CFH: variants seen among roughly 807,000 people sequenced by gnomAD.
CFH encodes the protein H factor 1 (complement).
In CFH, 53 loss-of-function variants were observed where a neutral mutation model predicts 147.3. The ratio of observed to expected loss-of-function variants is 0.36; its 90% CI spans 0.29 to 0.45. The LOEUF (loss-of-function observed/expected upper bound fraction) is 0.45. Among genes scored for constraint, CFH ranks in the 20% least tolerant of loss-of-function variants. CFH has a pLI of 1.00. For missense variants in CFH, 1,380 were observed against 1,498.0 expected (o/e 0.92, Z 1.30); for synonymous variants, 536 against 489.4 (o/e 1.10, Z -1.26).
chr1:196,705,845 T>A (rs1193757523), intron 9 of CFH, among the ~76,000 whole-genome samples: 1 of 152,192 alleles, frequency 6.6e-6, no homozygotes, highest in Non-Finnish European at 1.5e-5. Context: ...TCTAGAAGAC[T>A]GAATAGGTAT....
At chr1:196,745,540 T>A (rs10801561) in intron 20 of CFH, among the ~76,000 whole-genome samples, 29,545 of 152,214 alleles carry the variant, frequency 0.19, 3,504 homozygotes, top group East Asian at 0.39. Flanking sequence ...TTTCTATGTT[T>A]AGCATGTATT....
At chr1:196,701,449 A>G (rs1668447104) in intron 9 of CFH, 47 of 1,461,886 alleles carry the variant, frequency 3.2e-5, no homozygotes, top group Non-Finnish European at 7.6e-6. Context: ...GGTGACTAGT[A>G]TCTGTTTTGT....
Position 196,747,132 on chromosome 1 carries a change from A to T in CFH, c.3515A>T (p.Glu1172Val). Residue 1172 changes from glutamate to valine, a missense_variant, in exon 22 of 22, where the codon GAA (glutamate) becomes GTA (valine). Physicochemically the swap from Glu to Val is moderately radical, Grantham distance 121. Transcript: ENST00000367429. Reference sequence around the variant, plus strand: ...TCAGATCCGTGTGTAATATCCCGAGAAATTATGGAAAATTATAACATAGCA... The same window carrying T: ...TCAGATCCGTGTGTAATATCCCGAGTAATTATGGAAAATTATAACATAGCA... ...KCLHPCVISR[E>V]IMENYNIALR... is the part of the protein sequence containing the mutation. The T allele has an allele frequency of 6.2e-7, 1 of 1,613,816 alleles. No homozygotes were observed. The highest frequency in any genetic ancestry group is 8.5e-7 in the Non-Finnish European group (1 of 1,179,814).
chr1:196,713,862 A>G lies in CFH; in HGVS notation c.1464A>G (p.Thr488=), dbSNP rs780920934. The G allele has an allele frequency of 2.5e-6, 4 of 1,612,782 alleles. No homozygotes were observed. The African/African-American group carries it at 4.0e-5, about 16-fold the overall frequency. ...KLGYVTADGE[T]SGSITCGKDG... The stretch of plus-strand genomic sequence containing the variant: ...GATATGTAACAGCAGATGGTGAAAC[A>G]TCAGGATCAATTACATGTGGGAAAG... The change falls in exon 10 of 22, where the codon ACA becomes ACG. Residue 488 remains threonine, a synonymous_variant. Coordinates refer to ENST00000367429, the MANE Select transcript of CFH (RefSeq NM_000186.4).
chr1:196,675,269 G>A (rs1183358620), intron 3 of CFH, among the ~76,000 whole-genome samples: 2 of 152,132 alleles, frequency 1.3e-5, no homozygotes, highest in African/African-American at 4.8e-5. Flanking sequence ...GATTCAAAGG[G>A]CAGGCTTGAT....
intron 1 of CFH, among the ~76,000 whole-genome samples, chr1:196,667,269 A>G (rs1048059493): frequency 1.3e-5 from 2 of 152,220 alleles, no homozygotes; most frequent in African/African-American, 4.8e-5. Context: ...AATTCTCACA[A>G]TATGGTCAAT....
intron 9 of CFH, among the ~76,000 whole-genome samples, chr1:196,696,491 G>A (rs1189465831): frequency 6.6e-6 from 1 of 152,118 alleles, no homozygotes; most frequent in Non-Finnish European, 1.5e-5. Flanking sequence ...CGCACTAAAT[G>A]CCCACATCAG....
chr1:196,673,045 T>C lies in CFH; in HGVS notation c.126T>C (p.Tyr42=). ...CAGGTTCCTGGTCTGACCAAACATA[T>C]CCAGAAGGCACCCAGGCTATCTATA... ...ILTGSWSDQT[Y]PEGTQAIYKC... The change falls in exon 2 of 22, where the codon TAT becomes TAC. Residue 42 remains tyrosine, a synonymous_variant. Transcript: ENST00000367429. 3 of 1,614,046 alleles carry C rather than the reference T, an allele frequency of 1.9e-6. No individual in the cohort carries two copies. The highest frequency in any genetic ancestry group is 1.7e-6 in the Non-Finnish European group (2 of 1,179,982).
intron 12 of CFH, among the ~76,000 whole-genome samples, chr1:196,725,645 C>T (rs1418552601): frequency 2.6e-5 from 4 of 152,114 alleles, no homozygotes; most frequent in African/African-American, 7.2e-5. Flanking sequence ...CAAGATCGGG[C>T]ATCTGCATTC....
At position 196,714,701 on chromosome 1, in the gene CFH, A is replaced by AGAGAGAGAGAGAGG. The variant is rs1553278118; in HGVS notation, c.1519+797_1519+798insGGAGAGAGAGAGAG. Among the ~76,000 whole-genome samples, 492 of 69,106 alleles carry AGAGAGAGAGAGAGG rather than the reference A, an allele frequency of 7.1e-3. 28 individuals are homozygous for AGAGAGAGAGAGAGG. The highest frequency in any genetic ancestry group is 0.011 in the African/African-American group (163 of 15,502). The allele number at this position is 69,106 out of a possible 152,430, so 45.3% of individuals were successfully genotyped here. On this transcript the variant is annotated intron_variant, in intron 10 of 21. Coordinates refer to ENST00000367429, the MANE Select transcript of CFH (RefSeq NM_000186.4). ...GAGAGAGAGAGAGAGAGAGAGAGAG[A>AGAGAGAGAGAGAGG]GAGAGAGAGAGAGAGAGATGGAGTC...
At chr1:196,684,823 T>G (rs549269804) in intron 6 of CFH, among the ~76,000 whole-genome samples, 13 of 152,074 alleles carry the variant, frequency 8.5e-5, no homozygotes, top group South Asian at 4.1e-4. Flanking sequence ...TCATGAAGTA[T>G]GGGATGACTT....
chr1:196,734,570 T>C (rs1206947436), intron 15 of CFH, among the ~76,000 whole-genome samples: 2 of 151,986 alleles, frequency 1.3e-5, no homozygotes, highest in Non-Finnish European at 2.9e-5. Flanking sequence ...TCTGTTTACT[T>C]TAGGGGGTTG....
intron 20 of CFH, among the ~76,000 whole-genome samples, chr1:196,744,172 T>G (rs1436242894): frequency 6.7e-6 from 1 of 149,470 alleles, no homozygotes; most frequent in Non-Finnish European, 1.5e-5. Flanking sequence ...AATGTTTTTC[T>G]GTATTTTTTT....
intron 14 of CFH, among the ~76,000 whole-genome samples, chr1:196,727,500 A>C (rs1197523112): frequency 1.3e-5 from 2 of 152,184 alleles, no homozygotes; most frequent in Non-Finnish European, 2.9e-5. Context: ...CTTTCTTTAA[A>C]AAACAAAAAT....
chr1:196,659,237 G>A (rs1452789570), intron 1 of CFH, among the ~76,000 whole-genome samples: 1 of 152,138 alleles, frequency 6.6e-6, no homozygotes, highest in Non-Finnish European at 1.5e-5. Context: ...TTGAACATTC[G>A]ATTGTTAGTC....
At chr1:196,693,299 A>T (rs1402420384) in intron 9 of CFH, among the ~76,000 whole-genome samples, 2 of 152,082 alleles carry the variant, frequency 1.3e-5, no homozygotes, top group Non-Finnish European at 2.9e-5. Context: ...TAAATAAAAA[A>T]TTTGCCAGAT....
At chr1:196,688,438 T>A (rs753929087) in intron 7 of CFH, among the ~76,000 whole-genome samples, 115 of 152,238 alleles carry the variant, frequency 7.6e-4, no homozygotes, top group Non-Finnish European at 1.5e-3. Flanking sequence ...AAGAAATATT[T>A]CTAGTCTGTT....
chr1:196,715,334 A>G (rs1417896963), intron 10 of CFH, among the ~76,000 whole-genome samples: 1 of 152,118 alleles, frequency 6.6e-6, no homozygotes, highest in East Asian at 1.9e-4. Flanking sequence ...ATGCTTTAGT[A>G]TAAATGAATT....
chr1:196,714,709 A>AGG (rs1668825115), intron 10 of CFH, among the ~76,000 whole-genome samples: 2 of 127,394 alleles, frequency 1.6e-5, no homozygotes, highest in South Asian at 2.7e-4. Context: ...AGAGAGAGAG[A>AGG]GAGAGAGAGA....
Sources: allele counts gnomAD v4.1 joint callset (sites outside exome capture counted in the v4.1 genomes callset), GRCh38; gene constraint gnomAD v4.1.1; transcripts MANE v1.5; gene names NCBI Gene and HGNC (gene_info 2026-07-23, HGNC 2026-07-21).